ARNT: variants seen among roughly 807,000 people sequenced by gnomAD.
ARNT encodes the protein class E basic helix-loop-helix protein 2.
In ARNT, 30 loss-of-function variants were observed where a neutral mutation model predicts 105.0. The ratio of observed to expected loss-of-function variants is 0.29; its 90% CI spans 0.21 to 0.39. The LOEUF is 0.39. Ranked by LOEUF, ARNT falls within the 10% of genes least tolerant of loss-of-function variation. The probability of loss-of-function intolerance (pLI) is 1.00; values close to 1 mark genes in which losing one functional copy is unlikely to be tolerated. For synonymous variants in ARNT, 304 were observed against 344.0 expected (o/e 0.88, Z 1.29); for missense variants, 748 against 978.7 (o/e 0.76, Z 3.15).
rs1416006995 is a variant in ARNT, at chr1:150,831,815, T to C, written c.955+3A>G. ...GGAAATATTTACTATTTCACTTTCT[T>C]ACCTGCTGGGGGCCAGGCCTTGATG... On this transcript the variant is annotated splice_donor_region_variant and intron_variant, in intron 10 of 21. Transcript: ENST00000358595. The C allele has an allele frequency of 6.2e-7, 1 of 1,604,852 alleles. No individual in the cohort carries two copies. Among genetic ancestry groups the C allele is most frequent in the African/African-American group, 1.3e-5 (1 of 74,162 alleles).
At chr1:150,872,875 T>C (rs587698962) in intron 1 of ARNT, among the ~76,000 whole-genome samples, 33 of 152,114 alleles carry the variant, frequency 2.2e-4, no homozygotes, top group Non-Finnish European at 4.0e-4. Context: ...AGTGGGAGGA[T>C]CACATGCTCC....
chr1:150,831,687 T>G lies in ARNT; in HGVS notation c.955+131A>C. 3 of 623,638 alleles carry G rather than the reference T, an allele frequency of 4.8e-6. No individual in the cohort carries two copies. In the East Asian group the frequency reaches 9.3e-5, roughly 19 times the overall value. The allele number at this position is 623,638 out of a possible 1,614,324, so 38.6% of individuals were successfully genotyped here. ...TGGAAGGGAAGGATTGTACATTTTC[T>G]TTTCCTATTTTCTTTCATCTTACAC... On this transcript the variant is annotated intron_variant, in intron 10 of 21. Coordinates refer to ENST00000358595, the MANE Select transcript of ARNT (RefSeq NM_001668.4).
intron 1 of ARNT, 118 bp downstream of exon 1, chr1:150,876,425 C>T: frequency 6.7e-7 from 1 of 1,487,114 alleles, no homozygotes; most frequent in South Asian, 1.3e-5. Flanking sequence ...CTCTCGCGGC[C>T]CCCGCCCCGC....
At chr1:150,859,085 T>TA (rs951770904) in intron 1 of ARNT, among the ~76,000 whole-genome samples, 28 of 151,564 alleles carry the variant, frequency 1.8e-4, no homozygotes, top group African/African-American at 6.0e-4. Flanking sequence ...ATACTAATTT[T>TA]AAAAAAATAC....
At chr1:150,826,393 T>G (rs1658278120) in intron 13 of ARNT, 150 bp downstream of exon 13, 1 of 612,248 alleles carries the variant, frequency 1.6e-6, no homozygotes, top group African/African-American at 1.8e-5. Context: ...TTCAAAGTAT[T>G]AGTCCTTTTC....
chr1:150,826,101 C>G (rs10305720), intron 13 of ARNT, among the ~76,000 whole-genome samples: 53,639 of 151,702 alleles, frequency 0.35, 9,868 homozygotes, highest in South Asian at 0.54. Flanking sequence ...TTTTAGTAGA[C>G]ATGGGGTTTC....
chr1:150,859,091 AAT>A (rs1397931688), intron 1 of ARNT, among the ~76,000 whole-genome samples: 1 of 151,924 alleles, frequency 6.6e-6, no homozygotes. Flanking sequence ...ATTTTAAAAA[AAT>A]ACATACATAA....
At chr1:150,813,680 T>C (rs587696552) in intron 20 of ARNT, among the ~76,000 whole-genome samples, 16 of 152,222 alleles carry the variant, frequency 1.1e-4, no homozygotes, top group African/African-American at 3.4e-4. Context: ...GTTTCACTCT[T>C]GTTGCCCAGG....
chr1:150,865,982 G>GT (rs199854652), intron 1 of ARNT, among the ~76,000 whole-genome samples: 4,432 of 137,668 alleles, frequency 0.032, 64 homozygotes, highest in Middle Eastern at 0.044. Flanking sequence ...TTACTCCAAA[G>GT]TTTTTTTTTT....
intron 1 of ARNT, among the ~76,000 whole-genome samples, chr1:150,859,067 TTAA>T (rs1470605919): frequency 7.0e-6 from 1 of 143,478 alleles, no homozygotes; most frequent in African/African-American, 2.5e-5. Flanking sequence ...TTGTATAGAC[TTAA>T]TAATATACTA....
chr1:150,846,280 A>G lies in ARNT; in HGVS notation c.210T>C (p.Asp70=), dbSNP rs1384127931. Residue 70 remains aspartate (D), a synonymous_variant, in exon 4 of 22, where the codon GAT becomes GAC. Coordinates refer to ENST00000358595, the MANE Select transcript of ARNT (RefSeq NM_001668.4). ...AATATTACCTGGCAAACCGCTCCTT[A>G]TCGTTAGACATCTGATCATCATCAC... The part of the protein sequence containing the change: ...LRCDDDQMSN[D]KERFARSDDE... The G allele has an allele frequency of 6.2e-7, 1 of 1,613,630 alleles. No homozygotes were observed. Among genetic ancestry groups the G allele is most frequent in the Non-Finnish European group, 8.5e-7 (1 of 1,179,708 alleles).
At chr1:150,845,297 C>T (rs1661995681) in intron 4 of ARNT, among the ~76,000 whole-genome samples, 1 of 151,950 alleles carries the variant, frequency 6.6e-6, no homozygotes, top group African/African-American at 2.4e-5. Context: ...AAAAAATATA[C>T]ATATCTTAAA....
intron 1 of ARNT, among the ~76,000 whole-genome samples, chr1:150,875,513 TATCTCA>T (rs1668112866): frequency 6.6e-6 from 1 of 151,358 alleles, no homozygotes; most frequent in South Asian, 2.1e-4. Context: ...CACACACACA[TATCTCA>T]AGGCCCTTTT....
chr1:150,852,176 A>G (rs1557931438), intron 3 of ARNT, among the ~76,000 whole-genome samples: 4 of 152,208 alleles, frequency 2.6e-5, no homozygotes, highest in Non-Finnish European at 5.9e-5. Context: ...ACCTCTCAGT[A>G]TGTACTTCCT....
In ARNT at chr1:150,809,944, G is replaced by A. The variant is rs181721715; in HGVS notation, c.*2077C>T. On this transcript the variant is annotated 3_prime_UTR_variant, in exon 22 of 22. Coordinates refer to ENST00000358595, the MANE Select transcript of ARNT (RefSeq NM_001668.4). Reference sequence around the variant, plus strand: ...GCGTGCAATGTGATCAGAACCCTATGATTTCTGATTCCTGAAATTAAAGAC... The same window carrying A: ...GCGTGCAATGTGATCAGAACCCTATAATTTCTGATTCCTGAAATTAAAGAC... The A allele has an allele frequency of 4.4e-4, 99 of 225,248 alleles. 1 individual carries two copies. The highest frequency in any genetic ancestry group is 4.3e-3 in the East Asian group (68 of 15,708). 14.0% of individuals were successfully genotyped at this position (225,248 alleles called of 1,614,324 possible).
chr1:150,825,688 A>C (rs1164273393), intron 13 of ARNT, among the ~76,000 whole-genome samples: 3 of 152,004 alleles, frequency 2.0e-5, no homozygotes, highest in African/African-American at 7.2e-5. Context: ...GCCTCTACTA[A>C]AAATACAAAA....
chr1:150,862,399 G>A (rs1276834759), intron 1 of ARNT, among the ~76,000 whole-genome samples: 3 of 151,972 alleles, frequency 2.0e-5, no homozygotes, highest in Non-Finnish European at 4.4e-5. Flanking sequence ...ACAGCACTGT[G>A]TTTTGGGAAT....
chr1:150,854,732 C>T (rs1410884050), intron 2 of ARNT, among the ~76,000 whole-genome samples: 1 of 151,560 alleles, frequency 6.6e-6, no homozygotes, highest in Non-Finnish European at 1.5e-5. Context: ...TGGCGGGCAC[C>T]TGTAATCCCA....
chr1:150,832,251 C>T (rs587596988), intron 9 of ARNT, 83 bp downstream of exon 9: 29 of 1,440,700 alleles, frequency 2.0e-5, no homozygotes, highest in South Asian at 5.8e-5. Flanking sequence ...GCTGAAGGAA[C>T]GACTACAGTA....
Sources: gnomAD v4.1 joint callset for allele counts (sites outside exome capture counted in the v4.1 genomes callset) on GRCh38, gnomAD v4.1.1 for gene constraint, MANE v1.5 for transcripts, NCBI Gene and HGNC (gene_info 2026-07-23, HGNC 2026-07-21) for gene names.